CFAP300: variants seen among roughly 807,000 people sequenced by gnomAD.
CFAP300 encodes cilia and flagella associated protein 300, also known as cilia- and flagella-associated protein 300.
A neutral mutation model predicts 33.0 loss-of-function variants in CFAP300; 32 were observed. That is an observed-to-expected ratio of 0.97 (90% CI 0.73 to 1.30). The LOEUF is 1.30. Ranked by LOEUF, CFAP300 falls within the 50% of genes most tolerant of loss-of-function variation. CFAP300 has a pLI of 0.00. For synonymous variants in CFAP300, 102 were observed against 106.8 expected, an observed-to-expected ratio of 0.95 and a Z score of 0.28; for missense variants, 356 against 318.1, an observed-to-expected ratio of 1.12 and a Z score of -0.90.
At chr11:102,063,458 C>T (rs1179870627) in intron 3 of CFAP300, among the ~76,000 whole-genome samples, 1 of 152,166 alleles carries the variant, frequency 6.6e-6, no homozygotes, top group Non-Finnish European at 1.5e-5. Context: ...ATGAATCATA[C>T]CTCAAGTCTA....
rs1942501219 is a variant in CFAP300 at position 102,083,185 on chromosome 11, G to A, written c.790G>A (p.Gly264Arg). 3 of 1,514,722 alleles carry A rather than the reference G, an allele frequency of 2.0e-6. No individual in the cohort carries two copies. The highest frequency in any genetic ancestry group is 2.7e-6 in the Non-Finnish European group (3 of 1,126,316). 93.8% of individuals were successfully genotyped at this position (1,514,722 alleles called of 1,614,324 possible). Residue 264 changes from glycine (G) to arginine (R), a missense_variant, in exon 7 of 7, where the codon GGA (glycine) becomes AGA (arginine). By Grantham distance (125) the Gly-to-Arg change is moderately radical. Transcript: ENST00000434758. Reference protein sequence around the residue: ...LHVLYHCYGVGDMS With the variant: ...LHVLYHCYGVRDMS ...TGTTTTATACCACTGTTATGGTGTGGGAGACATGTCTTAATGTTCTTTCAG... is the reference window on the plus strand; with the variant it reads ...TGTTTTATACCACTGTTATGGTGTGAGAGACATGTCTTAATGTTCTTTCAG...
intron 4 of CFAP300, among the ~76,000 whole-genome samples, chr11:102,069,560 T>C (rs1444212969): frequency 6.6e-6 from 1 of 152,074 alleles, no homozygotes; most frequent in East Asian, 1.9e-4. Context: ...CTCAGCACTT[T>C]GGGAGGCAGA....
intron 3 of CFAP300, among the ~76,000 whole-genome samples, chr11:102,062,556 C>T (rs1240165194): frequency 6.6e-6 from 1 of 152,188 alleles, no homozygotes; most frequent in South Asian, 2.1e-4. Context: ...GAAGGTAGAA[C>T]TTATAAGTGA....
At chr11:102,049,665 AT>A (rs1941939575) in intron 2 of CFAP300, among the ~76,000 whole-genome samples, 1 of 151,838 alleles carries the variant, frequency 6.6e-6, no homozygotes, top group South Asian at 2.1e-4. Flanking sequence ...GCTGTCTATA[AT>A]TTTTTTTAAA....
chr11:102,058,369 G>A (rs146126168), intron 2 of CFAP300, among the ~76,000 whole-genome samples: 1 of 151,896 alleles, frequency 6.6e-6, no homozygotes, highest in African/African-American at 2.4e-5. Context: ...ACACATACCT[G>A]TGAAAACCCA....
chr11:102,082,325 G>A (rs921654069), intron 6 of CFAP300, among the ~76,000 whole-genome samples: 10 of 151,778 alleles, frequency 6.6e-5, no homozygotes, highest in African/African-American at 2.4e-4. Context: ...GCAGTGAGCT[G>A]TGGTGGTACC....
In CFAP300 at chr11:102,083,204, C is replaced by T; in HGVS notation, c.*5C>T. 2 of 1,473,304 alleles carry T rather than the reference C, an allele frequency of 1.4e-6. No homozygotes were observed. The highest frequency in any genetic ancestry group is 1.8e-6 in the Non-Finnish European group (2 of 1,102,286). The allele number at this position is 1,473,304 out of a possible 1,614,324, so 91.3% of individuals were successfully genotyped here. Reference sequence around the variant, plus strand: ...GGTGTGGGAGACATGTCTTAATGTTCTTTCAGATTATGTACCTCTACTATT... The same window carrying T: ...GGTGTGGGAGACATGTCTTAATGTTTTTTCAGATTATGTACCTCTACTATT... On this transcript the variant is annotated 3_prime_UTR_variant, in exon 7 of 7. Transcript: ENST00000434758.
chr11:102,061,180 A>G (rs970433828), intron 3 of CFAP300, among the ~76,000 whole-genome samples: 2 of 152,190 alleles, frequency 1.3e-5, no homozygotes, highest in Non-Finnish European at 2.9e-5. Context: ...AGATACTCTG[A>G]AAAATAGGAC....
chr11:102,054,584 C>T (rs1942021317), intron 2 of CFAP300, among the ~76,000 whole-genome samples: 1 of 151,794 alleles, frequency 6.6e-6, no homozygotes, highest in Non-Finnish European at 1.5e-5. Context: ...CAAAAATTAG[C>T]TGGGTGTGTT....
intron 5 of CFAP300, 73 bp downstream of exon 5, chr11:102,076,118 T>TA (rs1368710553): frequency 2.0e-5 from 30 of 1,475,456 alleles, no homozygotes; most frequent in Non-Finnish European, 2.6e-5. Flanking sequence ...TTGATGGAAT[T>TA]ACACAACATC....
At chr11:102,061,336 C>T (rs1942147097) in intron 3 of CFAP300, among the ~76,000 whole-genome samples, 1 of 151,900 alleles carries the variant, frequency 6.6e-6, no homozygotes, top group Non-Finnish European at 1.5e-5. Context: ...TCCTCTGGGG[C>T]CCTTTTAAAG....
intron 3 of CFAP300, among the ~76,000 whole-genome samples, chr11:102,059,495 A>G (rs960425884): frequency 4.6e-5 from 7 of 152,016 alleles, no homozygotes; most frequent in Admixed American, 3.3e-4. Context: ...CTAAAAATAC[A>G]AAAATTAGCC....
chr11:102,053,643 G>A (rs1297462443), intron 2 of CFAP300, among the ~76,000 whole-genome samples: 1 of 152,230 alleles, frequency 6.6e-6, no homozygotes, highest in East Asian at 1.9e-4. Context: ...TCTTTGGGAA[G>A]CTAAGGCAAG....
At chr11:102,065,609 A>C in intron 3 of CFAP300, among the ~76,000 whole-genome samples, 1 of 151,828 alleles carries the variant, frequency 6.6e-6, no homozygotes, top group Non-Finnish European at 1.5e-5. Context: ...TCTACTAAAA[A>C]ATACAAAATT....
intron 2 of CFAP300, among the ~76,000 whole-genome samples, chr11:102,055,822 G>A (rs939308997): frequency 1.3e-5 from 2 of 151,770 alleles, no homozygotes; most frequent in African/African-American, 2.4e-5. Context: ...ACAGGCGCCC[G>A]CCACCACGCC....
chr11:102,065,239 C>T (rs771175038), intron 3 of CFAP300, among the ~76,000 whole-genome samples: 16 of 151,966 alleles, frequency 1.1e-4, no homozygotes, highest in Admixed American at 4.6e-4. Flanking sequence ...CCTGCCACCA[C>T]ATGCAGCTAA....
intron 2 of CFAP300, among the ~76,000 whole-genome samples, chr11:102,057,647 G>T (rs1174855704): frequency 6.6e-6 from 1 of 152,188 alleles, no homozygotes; most frequent in East Asian, 1.9e-4. Context: ...CAAAATGCAA[G>T]GAACTCCCTT....
At chr11:102,059,935 G>A (rs2135025051) in intron 3 of CFAP300, among the ~76,000 whole-genome samples, 1 of 151,746 alleles carries the variant, frequency 6.6e-6, no homozygotes, top group South Asian at 2.1e-4. Flanking sequence ...ACAGTCATGG[G>A]CCCCCACACC....
At chr11:102,055,284 T>C (rs1031146196) in intron 2 of CFAP300, among the ~76,000 whole-genome samples, 4 of 151,462 alleles carry the variant, frequency 2.6e-5, no homozygotes, top group African/African-American at 9.7e-5. Flanking sequence ...CGGCCTATGA[T>C]ACATATTCTT....
Sources: allele counts gnomAD v4.1 joint callset (sites outside exome capture counted in the v4.1 genomes callset), GRCh38; gene constraint gnomAD v4.1.1; transcripts MANE v1.5; gene names NCBI Gene and HGNC (gene_info 2026-07-23, HGNC 2026-07-21).